CREB5: variants seen among roughly 807,000 people sequenced by gnomAD.
CREB5 encodes the protein cAMP responsive element binding protein 5.
CREB5 carries 19 observed loss-of-function variants against 57.1 expected under a neutral mutation model. The ratio of observed to expected loss-of-function variants is 0.33; its 90% confidence interval spans 0.23 to 0.49. The LOEUF (loss-of-function observed/expected upper bound fraction) is 0.49. CREB5 is among the 20% of genes least tolerant of loss of function. The probability of loss-of-function intolerance (pLI) is 0.99; values close to 1 mark genes in which losing one functional copy is unlikely to be tolerated. For missense variants in CREB5, 579 were observed against 671.6 expected, an observed-to-expected ratio of 0.86 and a Z score of 1.52; for synonymous variants, 238 against 238.3, an observed-to-expected ratio of 1.00 and a Z score of 0.01.
At chr7:28,419,913 G>A (rs1788174465) in intron 1 of CREB5, among the ~76,000 whole-genome samples, 2 of 152,136 alleles carry the variant, frequency 1.3e-5, no homozygotes, top group Non-Finnish European at 2.9e-5. Flanking sequence ...CCATTCTCAG[G>A]GTTGTGCTGT....
chr7:28,431,246 G>A (rs10237165), intron 1 of CREB5, among the ~76,000 whole-genome samples: 63,583 of 152,066 alleles, frequency 0.42, 14,409 homozygotes, highest in African/African-American at 0.56. Context: ...AGAAGAAGAT[G>A]TAAGTTTGTA....
At chr7:28,315,304 C>T (rs1262148162) in intron 1 of CREB5, among the ~76,000 whole-genome samples, 3 of 152,218 alleles carry the variant, frequency 2.0e-5, no homozygotes, top group Non-Finnish European at 4.4e-5. Flanking sequence ...TAAAAACAGA[C>T]TTCTGACCAG....
chr7:28,423,851 T>C (rs1237188973), intron 1 of CREB5, among the ~76,000 whole-genome samples: 3 of 152,166 alleles, frequency 2.0e-5, no homozygotes, highest in Admixed American at 6.5e-5. Flanking sequence ...CACCCCCTCC[T>C]CCCAGGGCGA....
Position 28,804,501 on chromosome 7 carries a change from G to A in CREB5, c.1005G>A (p.Leu335=). Reference sequence around the variant, plus strand: ...ACCAGACCTCGCCACATCCGCCCCTGCACACCGGCAACCAAGCACAGGTAG... The same window carrying A: ...ACCAGACCTCGCCACATCCGCCCCTACACACCGGCAACCAAGCACAGGTAG... The part of the protein sequence containing the change: ...AHHQTSPHPP[L]HTGNQAQVSP... Residue 335 remains leucine (L), a synonymous_variant, in exon 8 of 11, where the codon CTG becomes CTA. Coordinates refer to ENST00000357727, the MANE Select transcript of CREB5 (RefSeq NM_182898.4). The A allele has an allele frequency of 6.2e-7, 1 of 1,613,826 alleles. No individual in the cohort carries two copies. Among genetic ancestry groups the A allele is most frequent in the African/African-American group, 1.3e-5 (1 of 74,986 alleles).
chr7:28,364,243 C>G (rs1786544780), intron 1 of CREB5, among the ~76,000 whole-genome samples: 1 of 152,126 alleles, frequency 6.6e-6, no homozygotes, highest in African/African-American at 2.4e-5. Context: ...CGAGAAAATG[C>G]CAGCCTTAAG....
intron 2 of CREB5, among the ~76,000 whole-genome samples, chr7:28,493,591 G>T (rs1791896626): frequency 2.0e-5 from 3 of 152,146 alleles, no homozygotes; most frequent in Non-Finnish European, 4.4e-5. Flanking sequence ...GGGGAAGGGG[G>T]AATGCTAGAG....
At chr7:28,746,329 G>A (rs1278942508) in intron 7 of CREB5, among the ~76,000 whole-genome samples, 3 of 152,172 alleles carry the variant, frequency 2.0e-5, no homozygotes, top group African/African-American at 7.2e-5. Flanking sequence ...GTTCAACATG[G>A]CATTAGTCTG....
chr7:28,648,891 C>A (rs1017260600), intron 5 of CREB5, among the ~76,000 whole-genome samples: 2 of 152,190 alleles, frequency 1.3e-5, no homozygotes, highest in Non-Finnish European at 1.5e-5. Context: ...AGTCTCTCTT[C>A]TTTTGCTCTC....
chr7:28,690,253 G>C (rs568729410), intron 5 of CREB5, among the ~76,000 whole-genome samples: 1 of 152,186 alleles, frequency 6.6e-6, no homozygotes. Flanking sequence ...TGGAGGAGGA[G>C]AGATGGCTTT....
chr7:28,381,307 TA>T (rs993193343), intron 1 of CREB5, among the ~76,000 whole-genome samples: 1 of 152,202 alleles, frequency 6.6e-6, no homozygotes, highest in African/African-American at 2.4e-5. Context: ...GCCTTCCTCA[TA>T]ACAGGAAGTT....
intron 5 of CREB5, among the ~76,000 whole-genome samples, chr7:28,634,765 C>T (rs939834242): frequency 2.0e-5 from 3 of 152,192 alleles, no homozygotes; most frequent in Non-Finnish European, 4.4e-5. Flanking sequence ...GTCCATCTCA[C>T]TTTCTGAACT....
chr7:28,559,049 A>T (rs745652722), intron 4 of CREB5, among the ~76,000 whole-genome samples: 30 of 152,076 alleles, frequency 2.0e-4, no homozygotes, highest in Admixed American at 1.6e-3. Flanking sequence ...CCCACACTAC[A>T]CAGGTGTGAG....
intron 5 of CREB5, among the ~76,000 whole-genome samples, chr7:28,581,873 A>G (rs1796135815): frequency 6.6e-6 from 1 of 152,216 alleles, no homozygotes; most frequent in Non-Finnish European, 1.5e-5. Context: ...AATGCAGGTG[A>G]CTTGGTGCAC....
At chr7:28,621,978 G>A (rs945007369) in intron 5 of CREB5, among the ~76,000 whole-genome samples, 11 of 152,104 alleles carry the variant, frequency 7.2e-5, no homozygotes, top group African/African-American at 2.4e-4. Context: ...ATTTGTTAGC[G>A]AATAGATGAT....
At chr7:28,326,518 C>T (rs1364677847) in intron 1 of CREB5, among the ~76,000 whole-genome samples, 2 of 152,190 alleles carry the variant, frequency 1.3e-5, no homozygotes, top group Non-Finnish European at 2.9e-5. Context: ...CCAGTAGGTG[C>T]ATTCATTCTG....
At chr7:28,457,340 A>G (rs73075856) in intron 1 of CREB5, among the ~76,000 whole-genome samples, 36,758 of 152,036 alleles carry the variant, frequency 0.24, 5,004 homozygotes, top group Middle Eastern at 0.33. Context: ...CCTGTTCATC[A>G]TAAGGACCTA....
At chr7:28,449,747 A>G (rs73075834) in intron 1 of CREB5, among the ~76,000 whole-genome samples, 2,406 of 152,374 alleles carry the variant, frequency 0.016, 37 homozygotes, top group East Asian at 0.031. Context: ...GGCCTCTCAA[A>G]GAAGAATATT....
intron 1 of CREB5, among the ~76,000 whole-genome samples, chr7:28,443,157 G>T (rs2128561683): frequency 6.6e-6 from 1 of 152,254 alleles, no homozygotes; most frequent in South Asian, 2.1e-4. Context: ...CAGACACAAA[G>T]TTCTTTATTA....
chr7:28,744,338 CTCTTTTTTTTTTTTTT>C (rs1804570601), intron 7 of CREB5, among the ~76,000 whole-genome samples: 1 of 133,216 alleles, frequency 7.5e-6, no homozygotes, highest in Non-Finnish European at 1.6e-5. Flanking sequence ...CCTTTAGTAC[CTCTTTTTTTTTTTTTT>C]TTTTTTTTTT....
Sources: gnomAD v4.1 joint callset for allele counts (sites outside exome capture counted in the v4.1 genomes callset) on GRCh38, gnomAD v4.1.1 for gene constraint, MANE v1.5 for transcripts, NCBI Gene and HGNC (gene_info 2026-07-23, HGNC 2026-07-21) for gene names.